Variants in CUX1 observed in about 807,000 individuals in gnomAD.
The protein encoded by CUX1 is cut like homeobox 1.
In CUX1, 31 loss-of-function variants were observed where a neutral mutation model predicts 158.8. The observed-to-expected ratio is 0.20, with a 90% CI of 0.15 to 0.26. CUX1 has a LOEUF of 0.26. CUX1 is among the 10% of genes least tolerant of loss of function. The pLI is 1.00. For synonymous variants in CUX1, 879 were observed against 862.1 expected (o/e 1.02, Z -0.34); for missense variants, 1,589 against 2,014.6 (o/e 0.79, Z 4.04).
Position 102,252,391 on chromosome 7 carries a change from C to T in CUX1, c.*3349C>T, listed in dbSNP as rs1385553696. On this transcript the variant is annotated 3_prime_UTR_variant, in exon 24 of 24. Coordinates refer to ENST00000292535, the MANE Select transcript of CUX1 (RefSeq NM_181552.4). Reference sequence around the variant, plus strand: ...AGTGGCCCCCGCAGGCAGCCGACCCCCTTCCTCTTCACGCTCTATGAGTTT... The same window carrying T: ...AGTGGCCCCCGCAGGCAGCCGACCCTCTTCCTCTTCACGCTCTATGAGTTT... The T allele has an allele frequency of 2.0e-6, 2 of 985,396 alleles. No individual in the cohort carries two copies. The highest frequency in any genetic ancestry group is 2.4e-6 in the Non-Finnish European group (2 of 830,002). 61.0% of individuals were successfully genotyped at this position (985,396 alleles called of 1,614,324 possible).
At chr7:101,883,699 G>A (rs1195875325) in intron 1 of CUX1, among the ~76,000 whole-genome samples, 2 of 151,714 alleles carry the variant, frequency 1.3e-5, no homozygotes, top group African/African-American at 2.4e-5. Context: ...AGGTTCAAGC[G>A]ATTTTCCTGC....
intron 2 of CUX1, among the ~76,000 whole-genome samples, chr7:101,974,959 C>G (rs1812455746): frequency 6.6e-6 from 1 of 151,970 alleles, no homozygotes; most frequent in Non-Finnish European, 1.5e-5. Flanking sequence ...CAGAAATGGC[C>G]CACACCAGCC....
chr7:102,028,400 G>A (rs1563149778), intron 3 of CUX1, among the ~76,000 whole-genome samples: 1 of 152,208 alleles, frequency 6.6e-6, no homozygotes, highest in Admixed American at 6.5e-5. Context: ...GAAGTGCCCC[G>A]TGTGTGGTTG....
At chr7:102,011,802 T>A (rs888825405) in intron 2 of CUX1, among the ~76,000 whole-genome samples, 3 of 152,158 alleles carry the variant, frequency 2.0e-5, no homozygotes, top group Admixed American at 1.3e-4. Flanking sequence ...AGAGGATTTT[T>A]ATTATCTTAC....
At chr7:101,818,957 G>T (rs1290727512) in intron 1 of CUX1, 2 of 152,236 alleles carry the variant, frequency 1.3e-5, no homozygotes, top group Non-Finnish European at 2.9e-5. Flanking sequence ...AGAAATCCAG[G>T]TTGGAGACGT....
chr7:101,817,151 T>G (rs1791928241), upstream of CUX1: 1 of 983,812 alleles, frequency 1.0e-6, no homozygotes. This position sits in a 1 kb window ranked among gnomAD's most constrained non-coding sequence, Gnocchi z 4.1. Flanking sequence ...AGGAGGAGGC[T>G]GCAACTTTCC....
chr7:102,184,464 AC>A (rs1793436625), intron 11 of CUX1, among the ~76,000 whole-genome samples: 1 of 151,998 alleles, frequency 6.6e-6, no homozygotes, highest in South Asian at 2.1e-4. Flanking sequence ...TCCTTTGAAA[AC>A]CCATATTCAT....
chr7:102,214,509 G>A (rs1485197360), intron 20 of CUX1, among the ~76,000 whole-genome samples: 1 of 152,236 alleles, frequency 6.6e-6, no homozygotes, highest in Non-Finnish European at 1.5e-5. Flanking sequence ...TTTGGCTGTT[G>A]GAAAATGTGT....
At chr7:102,269,572 A>ATTTT (rs71123030) in intron 14 of CUX1, among the ~76,000 whole-genome samples, 3 of 107,772 alleles carry the variant, frequency 2.8e-5, no homozygotes, top group African/African-American at 3.9e-5. Flanking sequence ...TGCCCGGCTA[A>ATTTT]TTTTTTTTTT....
chr7:102,130,137 T>C (rs547446006), intron 8 of CUX1, among the ~76,000 whole-genome samples: 37 of 152,276 alleles, frequency 2.4e-4, no homozygotes, highest in African/African-American at 8.7e-4. Context: ...GGGTGTCTCA[T>C]ATTTCCTCGC....
chr7:102,082,125 C>G (rs1554478969), intron 4 of CUX1, among the ~76,000 whole-genome samples: 1 of 147,250 alleles, frequency 6.8e-6, no homozygotes, highest in Non-Finnish European at 1.5e-5. Flanking sequence ...CAGTCTCTGT[C>G]ACCTCACTGC....
intron 12 of CUX1, among the ~76,000 whole-genome samples, chr7:102,190,635 C>T (rs782520231): frequency 2.4e-4 from 37 of 152,198 alleles, no homozygotes; most frequent in Non-Finnish European, 4.6e-4. Flanking sequence ...GCACTGCAAA[C>T]GAAGGTTGCC....
At chr7:102,221,538 G>A (rs1288814311) in intron 20 of CUX1, among the ~76,000 whole-genome samples, 3 of 151,996 alleles carry the variant, frequency 2.0e-5, no homozygotes, top group East Asian at 1.9e-4. Flanking sequence ...CGAGAATTAC[G>A]GCGGGTGCGG....
intron 1 of CUX1, among the ~76,000 whole-genome samples, chr7:101,842,697 T>C (rs991080841): frequency 1.3e-5 from 2 of 151,956 alleles, no homozygotes; most frequent in Admixed American, 6.6e-5. Context: ...TCCTACAGTT[T>C]TTGACAGTTG....
intron 2 of CUX1, among the ~76,000 whole-genome samples, chr7:101,984,132 A>ATATG: frequency 7.5e-5 from 1 of 13,262 alleles, no homozygotes; most frequent in Non-Finnish European, 1.7e-4. Flanking sequence ...ATATATATAC[A>ATATG]CACACACATA....
intron 2 of CUX1, among the ~76,000 whole-genome samples, chr7:101,981,856 C>T (rs1421481352): frequency 1.3e-5 from 2 of 152,152 alleles, no homozygotes; most frequent in Non-Finnish European, 2.9e-5. Flanking sequence ...AGTGATCTGC[C>T]GCCTTGGCCT....
chr7:101,861,966 C>G (rs1192218425), intron 1 of CUX1, among the ~76,000 whole-genome samples: 5 of 152,178 alleles, frequency 3.3e-5, no homozygotes, highest in African/African-American at 9.6e-5. Context: ...TCCCACGTAG[C>G]TGGGATTACA....
chr7:102,226,803 G>A (rs572686710), intron 20 of CUX1, among the ~76,000 whole-genome samples: 1 of 152,170 alleles, frequency 6.6e-6, no homozygotes, highest in East Asian at 1.9e-4. Flanking sequence ...GCTGATTTTT[G>A]TATTTTTAGT....
At chr7:102,116,004 G>A (rs553490972) in intron 8 of CUX1, among the ~76,000 whole-genome samples, 1 of 152,216 alleles carries the variant, frequency 6.6e-6, no homozygotes, top group Admixed American at 6.5e-5. Flanking sequence ...CATCTTCCGC[G>A]GAAACACACA....
Sources: gnomAD v4.1 joint callset for allele counts (sites outside exome capture counted in the v4.1 genomes callset) on GRCh38, gnomAD v4.1.1 for gene constraint, Gnocchi (gnomAD v3.1) non-coding constraint, MANE v1.5 for transcripts, NCBI Gene and HGNC (gene_info 2026-07-23, HGNC 2026-07-21) for gene names.